ENO4: variants seen among roughly 807,000 people sequenced by gnomAD.
ENO4 encodes enolase 4, also known as 2-phospho-D-glycerate hydro-lyase.
Under a neutral mutation model 63.2 loss-of-function variants are expected in ENO4, and 53 were observed. The observed-to-expected ratio is 0.84, with a 90% CI of 0.67 to 1.05. ENO4 has a LOEUF of 1.05. ENO4 is among the 50% of genes least tolerant of loss of function. ENO4 has a pLI of 0.00. For missense variants in ENO4, 719 were observed against 772.0 expected (o/e 0.93, Z 0.81); for synonymous variants, 266 against 283.8 (o/e 0.94, Z 0.63).
At chr10:116,904,045 G>C (rs538813545) in intron 10 of ENO4, among the ~76,000 whole-genome samples, 1 of 152,276 alleles carries the variant, frequency 6.6e-6, no homozygotes, top group South Asian at 2.1e-4. Context: ...CTTTGTCCCT[G>C]GGGCAGATAA....
chr10:116,907,540 G>A (rs973601037), intron 10 of ENO4, among the ~76,000 whole-genome samples: 3 of 152,202 alleles, frequency 2.0e-5, no homozygotes, highest in Admixed American at 6.5e-5. Context: ...ATGTTACAGA[G>A]TGAGAGCTAT....
At chr10:116,879,201 A>C in intron 11 of ENO4, 90 bp from the exon 12 acceptor site, 1 of 899,846 alleles carries the variant, frequency 1.1e-6, no homozygotes, top group Non-Finnish European at 1.7e-6. Context: ...GGAAGTTTTA[A>C]ATCTGAGAAA....
At chr10:116,861,996 T>C (rs1354820191) in intron 6 of ENO4, among the ~76,000 whole-genome samples, 1 of 152,234 alleles carries the variant, frequency 6.6e-6, no homozygotes, top group African/African-American at 2.4e-5. Context: ...AGTTAGTATC[T>C]GTTGAGCTGT....
intron 9 of ENO4, 149 bp from the exon 10 acceptor site, chr10:116,873,927 G>A (rs1846763979): frequency 1.5e-6 from 2 of 1,336,498 alleles, no homozygotes; most frequent in Non-Finnish European, 1.9e-6. Context: ...AAAGTAGAAT[G>A]GACAGATTTC....
intron 8 of ENO4, among the ~76,000 whole-genome samples, chr10:116,869,082 A>C (rs1020933637): frequency 2.6e-5 from 4 of 152,230 alleles, no homozygotes; most frequent in Admixed American, 6.5e-5. Context: ...GAAAAACAAG[A>C]AGCACAAAAA....
At chr10:116,910,732 T>C (rs1041209952) in intron 10 of ENO4, among the ~76,000 whole-genome samples, 4 of 152,212 alleles carry the variant, frequency 2.6e-5, no homozygotes, top group Admixed American at 6.5e-5. Flanking sequence ...TTCTCCTTAA[T>C]AGAACACTGA....
At chr10:116,872,058 G>T (rs184024672) in intron 9 of ENO4, among the ~76,000 whole-genome samples, 1 of 152,166 alleles carries the variant, frequency 6.6e-6, no homozygotes, top group African/African-American at 2.4e-5. Context: ...TTAGCTGGGC[G>T]TGGTGGTGGG....
At chr10:116,866,563 C>T (rs188691831) in intron 7 of ENO4, among the ~76,000 whole-genome samples, 158 of 152,250 alleles carry the variant, frequency 1.0e-3, no homozygotes, top group African/African-American at 3.7e-3. Flanking sequence ...GTAGCACATG[C>T]CTATAATCCC....
intron 8 of ENO4, among the ~76,000 whole-genome samples, chr10:116,869,097 G>A (rs1846622083): frequency 6.6e-6 from 1 of 152,150 alleles, no homozygotes; most frequent in Non-Finnish European, 1.5e-5. Context: ...CAAAAAGATG[G>A]CTATTCCTTC....
intron 11 of ENO4, among the ~76,000 whole-genome samples, chr10:116,877,803 T>C (rs556104257): frequency 1.3e-5 from 2 of 152,316 alleles, no homozygotes; most frequent in Admixed American, 6.5e-5. Context: ...ACATAATCCT[T>C]ACAGCATCCC....
exon 11 of ENO4, chr10:116,911,757 T>C: frequency 1.3e-6 from 2 of 1,589,096 alleles, no homozygotes; most frequent in Non-Finnish European, 1.7e-6. Context: ...CATTTCCCCA[T>C]TAGCTAAACA....
intron 10 of ENO4, among the ~76,000 whole-genome samples, chr10:116,899,763 G>T (rs1030965283): frequency 1.3e-4 from 20 of 152,242 alleles, no homozygotes; most frequent in South Asian, 6.2e-4. Context: ...CTTATTAATT[G>T]CTGACCCGAC....
chr10:116,899,222 A>G (rs1374886778), intron 10 of ENO4, among the ~76,000 whole-genome samples: 3 of 152,206 alleles, frequency 2.0e-5, no homozygotes, highest in African/African-American at 7.2e-5. Flanking sequence ...TATAATAAAT[A>G]AAGTATATAG....
chr10:116,911,760 G>A (rs1848209411), exon 11 of ENO4: 2 of 1,594,208 alleles, frequency 1.3e-6, no homozygotes, highest in Non-Finnish European at 8.6e-7. Flanking sequence ...TTCCCCATTA[G>A]CTAAACAATA....
At chr10:116,900,359 T>C in intron 10 of ENO4, 1 of 612,828 alleles carries the variant, frequency 1.6e-6, no homozygotes, top group African/African-American at 1.8e-5. Context: ...CTTTATGGCA[T>C]CTAACAACTG....
chr10:116,891,655 G>C (rs1002751570), intron 10 of ENO4, among the ~76,000 whole-genome samples: 1 of 152,152 alleles, frequency 6.6e-6, no homozygotes, highest in African/African-American at 2.4e-5. Flanking sequence ...GTGAACAGTA[G>C]TGGCATTACA....
At chr10:116,849,791 C>T in intron 1 of ENO4, 60 bp downstream of exon 1, 1 of 1,451,736 alleles carries the variant, frequency 6.9e-7, no homozygotes. Flanking sequence ...CCCCGCGCTG[C>T]GGCAACGCCT....
intron 10 of ENO4, among the ~76,000 whole-genome samples, chr10:116,890,981 A>G (rs1369872219): frequency 2.0e-5 from 3 of 152,322 alleles, no homozygotes; most frequent in Admixed American, 2.0e-4. Flanking sequence ...ATTCAACAAC[A>G]TTCTAGCTAA....
At chr10:116,877,093 C>T (rs1383843031) in intron 11 of ENO4, among the ~76,000 whole-genome samples, 2 of 152,060 alleles carry the variant, frequency 1.3e-5, no homozygotes, top group Non-Finnish European at 2.9e-5. Flanking sequence ...CTTCCGGCTA[C>T]AATGTAGTGT....
Sources: allele counts gnomAD v4.1 joint callset (sites outside exome capture counted in the v4.1 genomes callset), GRCh38; gene constraint gnomAD v4.1.1; transcripts MANE v1.5; gene names NCBI Gene and HGNC (gene_info 2026-07-23, HGNC 2026-07-21).